Variants in ROBO2 observed in about 807,000 individuals in gnomAD.
ROBO2 encodes roundabout guidance receptor 2.
A neutral mutation model predicts 160.8 loss-of-function variants in ROBO2; 53 were observed. That is an observed-to-expected ratio of 0.33 (90% confidence interval 0.26 to 0.41). ROBO2 has a LOEUF of 0.41. Among genes scored for constraint, ROBO2 ranks in the 10% least tolerant of loss-of-function variants. ROBO2 has a pLI of 1.00. For missense variants in ROBO2, 1,577 were observed against 1,722.4 expected (o/e 0.92, Z 1.49); for synonymous variants, 664 against 611.7 (o/e 1.09, Z -1.26).
intron 2 of ROBO2, among the ~76,000 whole-genome samples, chr3:77,138,774 G>A (rs879909912): frequency 2.6e-5 from 4 of 152,094 alleles, no homozygotes; most frequent in Admixed American, 1.3e-4. Context: ...ATTTAAAGTG[G>A]CCAGAAGCAA....
At chr3:76,087,531 G>A (rs913164202) in intron 2 of ROBO2, among the ~76,000 whole-genome samples, 2 of 151,832 alleles carry the variant, frequency 1.3e-5, no homozygotes, top group Non-Finnish European at 2.9e-5. Context: ...AAAAAGTTAT[G>A]TAGAAAGAAG....
intron 2 of ROBO2, among the ~76,000 whole-genome samples, chr3:76,009,008 A>C (rs2066114240): frequency 6.6e-6 from 1 of 152,120 alleles, no homozygotes; most frequent in African/African-American, 2.4e-5. Context: ...CTGTTTGTTC[A>C]TATTACTTTC....
intron 2 of ROBO2, among the ~76,000 whole-genome samples, chr3:77,335,264 G>A (rs1052421339): frequency 9.9e-5 from 15 of 152,102 alleles, no homozygotes; most frequent in African/African-American, 2.9e-4. Context: ...GAAATTAGCC[G>A]GGCACGCTGA....
intron 2 of ROBO2, among the ~76,000 whole-genome samples, chr3:76,848,169 A>G (rs1012028487): frequency 6.6e-6 from 1 of 152,168 alleles, no homozygotes; most frequent in African/African-American, 2.4e-5. Context: ...TCCAGAAACA[A>G]TTGAGTCACC....
At chr3:77,423,990 C>T (rs1278050967) in intron 2 of ROBO2, among the ~76,000 whole-genome samples, 1 of 152,024 alleles carries the variant, frequency 6.6e-6, no homozygotes, top group Non-Finnish European at 1.5e-5. Flanking sequence ...TGGGAAAAAT[C>T]TTGGAGAGTT....
intron 2 of ROBO2, among the ~76,000 whole-genome samples, chr3:76,394,527 G>T: frequency 6.6e-6 from 1 of 152,190 alleles, no homozygotes; most frequent in East Asian, 1.9e-4. Flanking sequence ...GTGGGTAAGC[G>T]ACCTTTCTCT....
chr3:77,267,597 G>A (rs1203036228), intron 2 of ROBO2, among the ~76,000 whole-genome samples: 3 of 152,192 alleles, frequency 2.0e-5, no homozygotes, highest in Non-Finnish European at 2.9e-5. Flanking sequence ...ATGGGTTGGC[G>A]TATGGGGCAG....
At chr3:76,854,107 G>A (rs957172493) in intron 2 of ROBO2, among the ~76,000 whole-genome samples, 2 of 135,818 alleles carry the variant, frequency 1.5e-5, no homozygotes, top group African/African-American at 5.5e-5. Flanking sequence ...CAAAATTATA[G>A]CATGTTATAC....
intron 2 of ROBO2, among the ~76,000 whole-genome samples, chr3:77,286,089 A>G (rs1226983188): frequency 6.6e-6 from 1 of 152,142 alleles, no homozygotes; most frequent in Admixed American, 6.6e-5. Flanking sequence ...ATCTGCGCAT[A>G]TGCATATAGC....
chr3:76,327,194 T>C (rs1381866747), intron 2 of ROBO2, among the ~76,000 whole-genome samples: 2 of 152,262 alleles, frequency 1.3e-5, no homozygotes, highest in East Asian at 3.9e-4. Flanking sequence ...AAATGACTAA[T>C]GTGCTTTCAA....
At chr3:77,520,528 T>C (rs1266603354) in intron 5 of ROBO2, among the ~76,000 whole-genome samples, 1 of 151,274 alleles carries the variant, frequency 6.6e-6, no homozygotes, top group Non-Finnish European at 1.5e-5. Flanking sequence ...GTATCTTTTA[T>C]TAACTTGGAA....
chr3:76,809,921 TA>T (rs537605203), intron 2 of ROBO2, among the ~76,000 whole-genome samples: 101 of 151,084 alleles, frequency 6.7e-4, no homozygotes, highest in East Asian at 7.8e-4. Context: ...AGAGAGAAGG[TA>T]AAAAAAACTA....
chr3:76,129,699 A>T (rs2071149781), intron 2 of ROBO2, among the ~76,000 whole-genome samples: 1 of 151,974 alleles, frequency 6.6e-6, no homozygotes, highest in South Asian at 2.1e-4. Context: ...AGAGAAGTGG[A>T]ACCTAAAACA....
intron 2 of ROBO2, among the ~76,000 whole-genome samples, chr3:76,065,475 C>A (rs2107918944): frequency 6.6e-6 from 1 of 152,012 alleles, no homozygotes; most frequent in East Asian, 1.9e-4. Flanking sequence ...TTGTTGGCCA[C>A]TAATTAACTG....
At chr3:76,115,610 T>C (rs2070433286) in intron 2 of ROBO2, among the ~76,000 whole-genome samples, 1 of 152,152 alleles carries the variant, frequency 6.6e-6, no homozygotes, top group South Asian at 2.1e-4. Flanking sequence ...TTTAGCAAAG[T>C]GAATATGCAC....
At chr3:77,338,807 A>G (rs1002711471) in intron 2 of ROBO2, among the ~76,000 whole-genome samples, 1 of 152,080 alleles carries the variant, frequency 6.6e-6, no homozygotes, top group East Asian at 1.9e-4. Flanking sequence ...TTTCCTAGCT[A>G]TTGCTTTTTC....
At chr3:76,692,193 G>T (rs138239462) in intron 2 of ROBO2, among the ~76,000 whole-genome samples, 1 of 152,126 alleles carries the variant, frequency 6.6e-6, no homozygotes, top group African/African-American at 2.4e-5. Context: ...TCAGGGGAGA[G>T]GGGGCAGCAG....
At chr3:76,355,949 G>A (rs1004338344) in intron 2 of ROBO2, among the ~76,000 whole-genome samples, 3 of 151,814 alleles carry the variant, frequency 2.0e-5, no homozygotes, top group Non-Finnish European at 2.9e-5. Flanking sequence ...CCTGATGGAA[G>A]TGATGGGGAG....
chr3:77,361,223 AT>A (rs1185914793), intron 2 of ROBO2, among the ~76,000 whole-genome samples: 6 of 152,184 alleles, frequency 3.9e-5, no homozygotes, highest in Non-Finnish European at 8.8e-5. Flanking sequence ...TTCCAGTTAA[AT>A]TTGAATTTCA....
Sources: gnomAD v4.1 joint callset for allele counts (sites outside exome capture counted in the v4.1 genomes callset) on GRCh38, gnomAD v4.1.1 for gene constraint, MANE v1.5 for transcripts, NCBI Gene and HGNC (gene_info 2026-07-23, HGNC 2026-07-21) for gene names.